ROBO1: variants seen among roughly 807,000 people sequenced by gnomAD.
ROBO1 encodes roundabout guidance receptor 1.
ROBO1 carries 149 observed loss-of-function variants against 195.9 expected under a neutral mutation model. That is an observed-to-expected ratio of 0.76 (90% CI 0.67 to 0.87). The LOEUF is 0.87. Ranked by LOEUF, ROBO1 falls within the 40% of genes least tolerant of loss-of-function variation. ROBO1 has a pLI of 0.00. For missense variants in ROBO1, 1,933 were observed against 2,068.3 expected (o/e 0.93, Z 1.27); for synonymous variants, 816 against 733.2 (o/e 1.11, Z -1.82).
At chr3:79,067,179 C>T (rs2079017649) in intron 3 of ROBO1, among the ~76,000 whole-genome samples, 1 of 151,898 alleles carries the variant, frequency 6.6e-6, no homozygotes, top group African/African-American at 2.4e-5. Flanking sequence ...AGATATGTCT[C>T]ATGATTTTAA....
chr3:79,726,705 T>C (rs1702941206), intron 1 of ROBO1, among the ~76,000 whole-genome samples: 1 of 152,210 alleles, frequency 6.6e-6, no homozygotes, highest in African/African-American at 2.4e-5. Flanking sequence ...CTGGTGCTTT[T>C]AGTTAAGCCA....
intron 2 of ROBO1, among the ~76,000 whole-genome samples, chr3:79,232,247 TA>T (rs71649197): frequency 0.021 from 2,842 of 133,588 alleles, 21 homozygotes; most frequent in Middle Eastern, 0.035. Flanking sequence ...CTCCTTGATT[TA>T]AAAAAAAAAA....
At chr3:79,289,585 G>A (rs72898019) in intron 2 of ROBO1, among the ~76,000 whole-genome samples, 2 of 152,102 alleles carry the variant, frequency 1.3e-5, no homozygotes, top group South Asian at 4.1e-4. Flanking sequence ...GCTTGGGCTT[G>A]ATCTGGGTGT....
At chr3:78,761,336 G>A (rs1468385791) in intron 4 of ROBO1, among the ~76,000 whole-genome samples, 1 of 151,560 alleles carries the variant, frequency 6.6e-6, no homozygotes, top group East Asian at 1.9e-4. Flanking sequence ...TCCTTTAACA[G>A]GCCCCACTTG....
At chr3:79,100,015 G>A (rs537052065) in intron 3 of ROBO1, among the ~76,000 whole-genome samples, 11 of 151,780 alleles carry the variant, frequency 7.2e-5, no homozygotes, top group Admixed American at 5.3e-4. Context: ...CAGGGTTAGC[G>A]GGGAAAGAAA....
Position 78,872,746 on chromosome 3 carries a change from T to C in ROBO1, c.499+65855A>G, listed in dbSNP as rs148913023. On this transcript the variant is annotated intron_variant, in intron 4 of 30. Coordinates refer to ENST00000464233, the MANE Select transcript of ROBO1 (RefSeq NM_002941.4). ...ACACTCACGTTATCAGTAAGCTCCCTGGACAAATCAAGGCATTTGTCCTTC... is the reference window on the plus strand; with the variant it reads ...ACACTCACGTTATCAGTAAGCTCCCCGGACAAATCAAGGCATTTGTCCTTC... Among the ~76,000 whole-genome samples the C allele has an allele frequency of 4.1e-3, 623 of 152,298 alleles. 15 individuals carry two copies. Among genetic ancestry groups the C allele is most frequent in the African/African-American group, 0.013 (537 of 41,566 alleles).
At chr3:78,718,802 GGA>G (rs1559783370) in intron 5 of ROBO1, among the ~76,000 whole-genome samples, 1 of 141,394 alleles carries the variant, frequency 7.1e-6, no homozygotes, top group African/African-American at 2.7e-5. Flanking sequence ...AAGGAAGGAA[GGA>G]AGGGAGGGAG....
intron 2 of ROBO1, among the ~76,000 whole-genome samples, chr3:79,547,456 G>A (rs538983139): frequency 6.6e-6 from 1 of 152,104 alleles, no homozygotes; most frequent in Admixed American, 6.5e-5. Context: ...TGTTCATTCT[G>A]ATATAGTTAA....
chr3:78,951,059 T>C (rs2040750908), intron 3 of ROBO1, among the ~76,000 whole-genome samples: 1 of 151,772 alleles, frequency 6.6e-6, no homozygotes, highest in South Asian at 2.1e-4. Context: ...GTATGTTATA[T>C]ATCATATATA....
chr3:78,740,489 G>C (rs1330447718), intron 5 of ROBO1, among the ~76,000 whole-genome samples: 1 of 95,540 alleles, frequency 1.0e-5, no homozygotes, highest in Non-Finnish European at 2.2e-5. Flanking sequence ...TTTTTTTTTT[G>C]AAACAGGGTT....
At chr3:79,560,558 T>C (rs4413287) in intron 2 of ROBO1, among the ~76,000 whole-genome samples, 158 of 129,606 alleles carry the variant, frequency 1.2e-3, no homozygotes, top group African/African-American at 1.5e-3. Context: ...TATATATATA[T>C]ACACATACAC....
intron 6 of ROBO1, 83 bp from the exon 7 acceptor site, chr3:78,717,496 T>C (rs1408854277): frequency 1.6e-6 from 2 of 1,257,000 alleles, no homozygotes; most frequent in East Asian, 2.3e-5. Context: ...TAAGAGCATA[T>C]TTTTAATTTA....
At chr3:79,481,045 C>A (rs111861445) in intron 2 of ROBO1, among the ~76,000 whole-genome samples, 32 of 152,108 alleles carry the variant, frequency 2.1e-4, no homozygotes, top group African/African-American at 7.5e-4. Flanking sequence ...ATTGGTAATG[C>A]AGTTTTATTT....
intron 5 of ROBO1, among the ~76,000 whole-genome samples, chr3:78,718,096 C>G (rs915726485): frequency 1.3e-5 from 2 of 152,166 alleles, no homozygotes; most frequent in African/African-American, 4.8e-5. Flanking sequence ...AATGTTTCTC[C>G]TTACTTACAT....
At chr3:79,225,205 A>G (rs1041507587) in intron 2 of ROBO1, among the ~76,000 whole-genome samples, 2 of 152,126 alleles carry the variant, frequency 1.3e-5, no homozygotes, top group Admixed American at 1.3e-4. Flanking sequence ...CCAGCCATAG[A>G]CTAGTATATA....
At chr3:78,716,464 C>G (rs2081905430) in intron 7 of ROBO1, among the ~76,000 whole-genome samples, 1 of 152,172 alleles carries the variant, frequency 6.6e-6, no homozygotes. Context: ...ATCACAAGAA[C>G]AGCATGAGGG....
At chr3:78,681,110 A>T (rs2107793345) in intron 10 of ROBO1, among the ~76,000 whole-genome samples, 1 of 151,460 alleles carries the variant, frequency 6.6e-6, no homozygotes, top group East Asian at 2.0e-4. Context: ...GCATGTTCTC[A>T]CTCACAGGTG....
intron 2 of ROBO1, among the ~76,000 whole-genome samples, chr3:79,494,395 G>T (rs1322719843): frequency 1.3e-5 from 2 of 152,032 alleles, no homozygotes; most frequent in Non-Finnish European, 2.9e-5. Context: ...TAACCTCAAT[G>T]AAGTTTTATA....
At chr3:79,527,662 G>A (rs1192712279) in intron 2 of ROBO1, among the ~76,000 whole-genome samples, 2 of 152,044 alleles carry the variant, frequency 1.3e-5, no homozygotes, top group Non-Finnish European at 2.9e-5. Flanking sequence ...AAGGAGCTCA[G>A]TGCAGATGAA....
Sources: allele counts gnomAD v4.1 joint callset (sites outside exome capture counted in the v4.1 genomes callset), GRCh38; gene constraint gnomAD v4.1.1; transcripts MANE v1.5; gene names NCBI Gene and HGNC (gene_info 2026-07-23, HGNC 2026-07-21).